Variants in ADGRL3 observed in about 807,000 individuals in gnomAD.
ADGRL3 encodes adhesion G protein-coupled receptor L3, also known as calcium-independent alpha-latrotoxin receptor 3.
ADGRL3 carries 62 observed loss-of-function variants against 153.5 expected under a neutral mutation model. That is an observed-to-expected ratio of 0.40 (90% confidence interval 0.33 to 0.50). The LOEUF (loss-of-function observed/expected upper bound fraction) is 0.50. ADGRL3 is among the 20% of genes least tolerant of loss of function. The pLI is 0.47. For missense variants in ADGRL3, 1,641 were observed against 1,859.4 expected (o/e 0.88, Z 2.16); for synonymous variants, 710 against 672.5 (o/e 1.06, Z -0.86).
At chr4:61,415,253 A>G (rs2097133018) in intron 2 of ADGRL3, among the ~76,000 whole-genome samples, 1 of 152,000 alleles carries the variant, frequency 6.6e-6, no homozygotes, top group South Asian at 2.1e-4. Flanking sequence ...TAAAAGACAT[A>G]TACCAATACA....
chr4:61,767,467 A>T (rs1254550820), intron 8 of ADGRL3, among the ~76,000 whole-genome samples: 2 of 152,088 alleles, frequency 1.3e-5, no homozygotes, highest in South Asian at 4.1e-4. Flanking sequence ...TTGATTAAGA[A>T]GGGGACGGGC....
At chr4:61,620,329 T>A (rs530306781) in intron 5 of ADGRL3, among the ~76,000 whole-genome samples, 71 of 152,224 alleles carry the variant, frequency 4.7e-4, no homozygotes, top group South Asian at 1.2e-3. Context: ...GGATGAGTGG[T>A]AACTAATTGA....
chr4:61,490,192 C>A (rs2098242897), intron 2 of ADGRL3, among the ~76,000 whole-genome samples: 1 of 152,062 alleles, frequency 6.6e-6, no homozygotes, highest in Non-Finnish European at 1.5e-5. Context: ...AATTATAGCA[C>A]AATTACCACT....
intron 1 of ADGRL3, among the ~76,000 whole-genome samples, chr4:61,219,687 A>C (rs886555383): frequency 6.6e-6 from 1 of 152,166 alleles, no homozygotes; most frequent in African/African-American, 2.4e-5. Flanking sequence ...AATAATGTAA[A>C]TATTTTATTT....
chr4:61,284,546 T>C (rs1174424124), intron 1 of ADGRL3, among the ~76,000 whole-genome samples: 3 of 151,976 alleles, frequency 2.0e-5, no homozygotes, highest in Non-Finnish European at 1.5e-5. Context: ...TCCCACCACA[T>C]ATCATTTGTG....
intron 4 of ADGRL3, among the ~76,000 whole-genome samples, chr4:61,563,868 C>T (rs1410152428): frequency 3.9e-5 from 6 of 151,914 alleles, no homozygotes; most frequent in Admixed American, 2.6e-4. Context: ...ATTAGCTGGG[C>T]GTGGTGGTGC....
At chr4:61,328,895 T>C (rs906285648) in intron 1 of ADGRL3, among the ~76,000 whole-genome samples, 24 of 152,134 alleles carry the variant, frequency 1.6e-4, no homozygotes, top group African/African-American at 5.8e-4. Flanking sequence ...CATTCAATAG[T>C]GTGCAGTGAT....
intron 8 of ADGRL3, among the ~76,000 whole-genome samples, chr4:61,774,942 C>T (rs1490243866): frequency 3.3e-5 from 5 of 152,134 alleles, no homozygotes; most frequent in African/African-American, 1.2e-4. Context: ...TATGTGGATT[C>T]TTCTGGTGCC....
chr4:61,411,305 C>G (rs1273605126), intron 2 of ADGRL3, among the ~76,000 whole-genome samples: 1 of 152,042 alleles, frequency 6.6e-6, no homozygotes, highest in Non-Finnish European at 1.5e-5. Flanking sequence ...GAATATAGGA[C>G]AGTTATTTCA....
At chr4:61,302,717 A>G (rs987696067) in intron 1 of ADGRL3, among the ~76,000 whole-genome samples, 2 of 152,114 alleles carry the variant, frequency 1.3e-5, no homozygotes, top group African/African-American at 4.8e-5. Flanking sequence ...ATAACTATAA[A>G]GTAGTGTAAT....
At chr4:61,497,371 G>A (rs757309845) in intron 3 of ADGRL3, 23 bp downstream of exon 3, 1 of 1,537,070 alleles carries the variant, frequency 6.5e-7, no homozygotes, top group South Asian at 1.2e-5. Flanking sequence ...AGATTTTTGT[G>A]TAATGCTTAA....
Position 61,246,421 on chromosome 4 carries a change from A to G in ADGRL3, c.-240+44656A>G, listed in dbSNP as rs775167225. ...AGTTTAGTCATTGCTATGTTGCTGT[A>G]TATTAGGGTTTCTTAAAAGAGATGA... On this transcript the variant is annotated intron_variant, in intron 1 of 26. Coordinates refer to ENST00000683033, the MANE Select transcript of ADGRL3 (RefSeq NM_001387552.1). Among the ~76,000 whole-genome samples the G allele has an allele frequency of 7.2e-5, 11 of 152,166 alleles. No individual in the cohort carries two copies. The South Asian group carries it at 8.3e-4, about 11-fold the overall frequency.
At chr4:61,814,181 A>C (rs536019438) in intron 9 of ADGRL3, among the ~76,000 whole-genome samples, 5 of 151,986 alleles carry the variant, frequency 3.3e-5, no homozygotes, top group African/African-American at 1.2e-4. Flanking sequence ...AAATTACCAG[A>C]TAACCGTTAA....
At chr4:61,586,048 G>A (rs116712520) in intron 4 of ADGRL3, among the ~76,000 whole-genome samples, 4,794 of 152,054 alleles carry the variant, frequency 0.032, 228 homozygotes, top group African/African-American at 0.11. Context: ...AGTAGTACAA[G>A]TTAAAGATAT....
At chr4:61,313,913 A>G (rs1363470825) in intron 1 of ADGRL3, among the ~76,000 whole-genome samples, 2 of 151,914 alleles carry the variant, frequency 1.3e-5, no homozygotes, top group Non-Finnish European at 1.5e-5. Flanking sequence ...GCCCACACTC[A>G]CTCAGACTGG....
chr4:61,334,081 T>C (rs1321165887), intron 1 of ADGRL3, among the ~76,000 whole-genome samples: 1 of 151,772 alleles, frequency 6.6e-6, no homozygotes, highest in Admixed American at 6.6e-5. Flanking sequence ...TACGCTTGGG[T>C]AATTTTTGTA....
At chr4:61,996,270 C>T in intron 19 of ADGRL3, 21 bp from the exon 20 acceptor site, 1 of 1,585,444 alleles carries the variant, frequency 6.3e-7, no homozygotes, top group East Asian at 2.2e-5. Context: ...AATACCTTCT[C>T]TCCCTTGTGT....
chr4:61,443,116 TTTATATCAATAGAG>T (rs1366370593), intron 2 of ADGRL3, among the ~76,000 whole-genome samples: 1 of 152,166 alleles, frequency 6.6e-6, no homozygotes, highest in Non-Finnish European at 1.5e-5. Context: ...TTCAGTGAGT[TTTATATCAATAGAG>T]TCATGTAGCT....
At chr4:61,493,014 G>T (rs570539185) in intron 2 of ADGRL3, among the ~76,000 whole-genome samples, 62 of 151,964 alleles carry the variant, frequency 4.1e-4, no homozygotes, top group African/African-American at 1.4e-3. Flanking sequence ...TATAAGAAAA[G>T]AAATTTGTTT....
Sources: gnomAD v4.1 joint callset for allele counts (sites outside exome capture counted in the v4.1 genomes callset) on GRCh38, gnomAD v4.1.1 for gene constraint, MANE v1.5 for transcripts, NCBI Gene and HGNC (gene_info 2026-07-23, HGNC 2026-07-21) for gene names.